The following AOPEP variants were observed in gnomAD, a reference collection of about 807,000 sequenced individuals.
The protein encoded by AOPEP is aminopeptidase O.
A neutral mutation model predicts 98.1 loss-of-function variants in AOPEP; 77 were observed. That is an observed-to-expected ratio of 0.78 (90% CI 0.65 to 0.95). The LOEUF (loss-of-function observed/expected upper bound fraction) is 0.95. Ranked by LOEUF, AOPEP falls within the 40% of genes least tolerant of loss-of-function variation. The pLI is 0.00. For synonymous variants in AOPEP, 346 were observed against 365.3 expected (o/e 0.95, Z 0.60); for missense variants, 1,024 against 1,024.7 (o/e 1.00, Z 0.01).
intron 5 of AOPEP, among the ~76,000 whole-genome samples, chr9:94,828,349 T>G (rs10125609): frequency 6.6e-6 from 1 of 152,060 alleles, no homozygotes; most frequent in Non-Finnish European, 1.5e-5. Context: ...TTTATTATGA[T>G]TTTAGCTCTT....
In AOPEP at chr9:94,796,917, C is replaced by T. The variant is rs74687151; in HGVS notation, c.1119-3840C>T. On this transcript the variant is annotated intron_variant, in intron 4 of 16. Coordinates refer to ENST00000375315, the MANE Select transcript of AOPEP (RefSeq NM_001193329.3). ...GGGGCCATACAGTTTAAACACGACA[C>T]AGAAACTTGGATAAAGTCCAAAGGA... is the stretch of plus-strand genomic sequence containing the variant. Among the ~76,000 whole-genome samples, 445 of 152,232 alleles carry T rather than the reference C, an allele frequency of 2.9e-3. 12 individuals carry two copies. The East Asian group carries it at 0.053, about 18-fold the overall frequency.
intron 11 of AOPEP, among the ~76,000 whole-genome samples, chr9:94,994,268 C>A (rs1175531251): frequency 6.6e-6 from 1 of 152,178 alleles, no homozygotes; most frequent in Non-Finnish European, 1.5e-5. Context: ...ATGGGTAAAT[C>A]TAAGAATATG....
At chr9:94,875,391 G>A (rs1386004088) in intron 5 of AOPEP, among the ~76,000 whole-genome samples, 1 of 138,686 alleles carries the variant, frequency 7.2e-6, no homozygotes, top group African/African-American at 2.7e-5. Context: ...AAATCAGGCA[G>A]CTCCCAGAGT....
the AOPEP span, among the ~76,000 whole-genome samples, chr9:95,146,781 A>C: frequency 5.0e-3 from 762 of 152,070 alleles, 8 homozygotes; most frequent in Non-Finnish European, 8.8e-3. Flanking sequence ...GAGGCCATGC[A>C]ACAATTTTCA....
intron 1 of AOPEP, among the ~76,000 whole-genome samples, chr9:94,745,613 AT>A (rs1256031666): frequency 2.0e-5 from 3 of 152,168 alleles, no homozygotes; most frequent in African/African-American, 7.2e-5. Flanking sequence ...GAGTGAGAAC[AT>A]GGAAGTCTGT....
intron 14 of AOPEP, among the ~76,000 whole-genome samples, chr9:95,077,979 C>T (rs75437655): frequency 0.011 from 1,724 of 152,112 alleles, 44 homozygotes; most frequent in African/African-American, 0.039. Context: ...ATCCTGTCGC[C>T]GAAATATTGA....
At chr9:94,805,232 C>A (rs757866775) in intron 5 of AOPEP, among the ~76,000 whole-genome samples, 1 of 151,926 alleles carries the variant, frequency 6.6e-6, no homozygotes, top group Non-Finnish European at 1.5e-5. Context: ...TAATGAGAAC[C>A]TGATTGGCTT....
chr9:94,923,276 C>T lies in AOPEP; in HGVS notation c.1365-710C>T, dbSNP rs1423969901. Among the ~76,000 whole-genome samples the T allele has an allele frequency of 2.0e-5, 3 of 152,280 alleles. No homozygotes were observed. The East Asian group carries it at 5.8e-4, about 29-fold the overall frequency. On this transcript the variant is annotated intron_variant, in intron 5 of 16. Transcript: ENST00000375315. ...GGAAAATGAGATTAGATAAATCTCC[C>T]TGTCTGGTGCCAGTCCTGGGGCCAT...
chr9:95,016,245 A>T (rs1482186895), intron 13 of AOPEP, among the ~76,000 whole-genome samples: 21 of 123,622 alleles, frequency 1.7e-4, no homozygotes, highest in Admixed American at 1.8e-4. Context: ...TTCTCTTGTG[A>T]TTTTTTTTTT....
intron 5 of AOPEP, among the ~76,000 whole-genome samples, chr9:94,852,632 C>T (rs867816334): frequency 6.6e-6 from 1 of 152,316 alleles, no homozygotes; most frequent in Middle Eastern, 3.4e-3. Context: ...CTGGGGGATC[C>T]CCCCACCACC....
chr9:95,092,552 G>C, the AOPEP span, among the ~76,000 whole-genome samples: 1 of 152,200 alleles, frequency 6.6e-6, no homozygotes, highest in African/African-American at 2.4e-5. Context: ...TGCACCCTGT[G>C]GTTTCCATTT....
At chr9:94,728,239 G>GCACACA (rs78505500) in intron 1 of AOPEP, among the ~76,000 whole-genome samples, 4,149 of 146,560 alleles carry the variant, frequency 0.028, 102 homozygotes, top group African/African-American at 0.062. Flanking sequence ...GTGCGCGCAT[G>GCACACA]CACACACACA....
chr9:95,114,706 G>T, the AOPEP span: 1 of 1,614,076 alleles, frequency 6.2e-7, no homozygotes, highest in Non-Finnish European at 8.5e-7. Flanking sequence ...GTCCCCGAGG[G>T]ATATCTGCGG....
chr9:94,956,070 A>G, intron 9 of AOPEP, 55 bp downstream of exon 9: 2 of 1,032,520 alleles, frequency 1.9e-6, no homozygotes, highest in South Asian at 1.4e-5. Context: ...GGTATGGCAC[A>G]TGAAGATTAG....
chr9:94,918,366 G>A (rs1365290106), intron 5 of AOPEP, among the ~76,000 whole-genome samples: 2 of 152,196 alleles, frequency 1.3e-5, no homozygotes, highest in Admixed American at 1.3e-4. Context: ...TGGCTATGAT[G>A]TAGATTGAGG....
In AOPEP at chr9:95,085,826, G is replaced by A. The variant is rs1230649282; in HGVS notation, c.*5-856G>A. 39 of 1,038,608 alleles carry A rather than the reference G, an allele frequency of 3.8e-5. 1 individual carries two copies. The highest frequency in any genetic ancestry group is 1.5e-4 in the South Asian group (9 of 58,492). The allele number at this position is 1,038,608 out of a possible 1,614,324, so 64.3% of individuals were successfully genotyped here. ...TAAAACCAAATGCATCACCTAAGTC[G>A]TGTGAAATCATGTGGTAGCTCATGG... On this transcript the variant is annotated intron_variant, in intron 16 of 16. Transcript: ENST00000375315.
chr9:94,797,112 A>C (rs185402139), intron 4 of AOPEP, among the ~76,000 whole-genome samples: 42 of 152,322 alleles, frequency 2.8e-4, no homozygotes, highest in Non-Finnish European at 1.2e-4. Flanking sequence ...GTCGGTGCTG[A>C]ATCTATGGAA....
chr9:94,779,891 G>A (rs2133107285), intron 3 of AOPEP, among the ~76,000 whole-genome samples: 1 of 152,122 alleles, frequency 6.6e-6, no homozygotes, highest in Non-Finnish European at 1.5e-5. Flanking sequence ...ATATCGTTTG[G>A]CCTTTACTCA....
chr9:95,144,238 G>C, the AOPEP span, among the ~76,000 whole-genome samples: 1 of 152,320 alleles, frequency 6.6e-6, no homozygotes, highest in East Asian at 1.9e-4. Context: ...TGTCCATGGA[G>C]AGGCTCCAGC....
Sources: gnomAD v4.1 joint callset for allele counts (sites outside exome capture counted in the v4.1 genomes callset) on GRCh38, gnomAD v4.1.1 for gene constraint, MANE v1.5 for transcripts, NCBI Gene and HGNC (gene_info 2026-07-23, HGNC 2026-07-21) for gene names.